Variants in CHD7 observed in about 807,000 individuals in gnomAD.
CHD7 encodes chromodomain helicase DNA binding protein 7.
CHD7 carries 24 observed loss-of-function variants against 307.3 expected under a neutral mutation model. That is an observed-to-expected ratio of 0.08 (90% CI 0.06 to 0.11). The LOEUF is 0.11. CHD7 is among the 10% of genes least tolerant of loss of function. The pLI is 1.00. For missense variants in CHD7, 3,106 were observed against 3,727.1 expected (o/e 0.83, Z 4.34); for synonymous variants, 1,363 against 1,349.9 (o/e 1.01, Z -0.21).
intron 4 of CHD7, among the ~76,000 whole-genome samples, chr8:60,799,159 A>AT (rs1364209168): frequency 3.3e-5 from 5 of 152,202 alleles, no homozygotes; most frequent in Admixed American, 3.3e-4. Context: ...GATACACAAC[A>AT]TTTTTTATTT....
At chr8:60,815,497 A>C (rs1276877523) in intron 7 of CHD7, among the ~76,000 whole-genome samples, 1 of 152,188 alleles carries the variant, frequency 6.6e-6, no homozygotes, top group Non-Finnish European at 1.5e-5. Flanking sequence ...TGAAGAACTA[A>C]GCAAAAGAAT....
rs587783453 is a variant in CHD7 at position 60,854,430 on chromosome 8, T to G, written c.6843T>G (p.Asp2281Glu). 1 of 1,613,844 alleles carries G rather than the reference T, an allele frequency of 6.2e-7. No individual in the cohort carries two copies. Among genetic ancestry groups the G allele is most frequent in the African/African-American group, 1.3e-5 (1 of 75,050 alleles). Residue 2281 changes from aspartate to glutamate, a missense_variant, in exon 32 of 38, where the codon GAT becomes GAG. This residue lies in a region of CHD7 where 1,030 missense variants were observed against 1,165.4 expected (regional missense o/e 0.88). Transcript: ENST00000423902. ...ESNASMSTAR[D>E]ETRDGFYMED... ...ATGCTTCCATGAGCACTGCTAGAGATGAAACCCGAGATGGATTCTACATGG... is the reference window on the plus strand; with the variant it reads ...ATGCTTCCATGAGCACTGCTAGAGAGGAAACCCGAGATGGATTCTACATGG...
intron 1 of CHD7, among the ~76,000 whole-genome samples, chr8:60,687,941 C>T (rs962825704): frequency 5.3e-5 from 8 of 152,174 alleles, no homozygotes; most frequent in African/African-American, 1.2e-4. Context: ...GCATTGTTGC[C>T]GTCTTAATAG....
intron 1 of CHD7, among the ~76,000 whole-genome samples, chr8:60,717,432 A>G (rs747947322): frequency 9.9e-5 from 15 of 152,202 alleles, no homozygotes; most frequent in Non-Finnish European, 2.1e-4. Flanking sequence ...TCTAGAGAGA[A>G]AGTAACTGTG....
chr8:60,727,715 T>G (rs1437790034), intron 1 of CHD7, among the ~76,000 whole-genome samples: 1 of 152,208 alleles, frequency 6.6e-6, no homozygotes, highest in Non-Finnish European at 1.5e-5. Flanking sequence ...CAACTTTGTC[T>G]TCCTTCTGTT....
intron 6 of CHD7, among the ~76,000 whole-genome samples, chr8:60,804,427 A>G (rs1812448591): frequency 6.6e-6 from 1 of 152,098 alleles, no homozygotes; most frequent in Non-Finnish European, 1.5e-5. Flanking sequence ...TCTTTAAGTT[A>G]ACTACAGGAC....
chr8:60,711,397 T>C (rs1807274843), intron 1 of CHD7, among the ~76,000 whole-genome samples: 1 of 152,182 alleles, frequency 6.6e-6, no homozygotes, highest in Non-Finnish European at 1.5e-5. Context: ...CTTGGCGGCC[T>C]ACTGACTTAT....
chr8:60,756,188 A>G (rs570337146), intron 2 of CHD7, among the ~76,000 whole-genome samples: 1 of 152,386 alleles, frequency 6.6e-6, no homozygotes, highest in South Asian at 2.1e-4. Flanking sequence ...TTAAAAATAG[A>G]AAGGAGAGTT....
Position 60,797,727 on chromosome 8 carries a change from T to A in CHD7, c.2238+2600T>A, listed in dbSNP as rs532984665. ...ATATCAAATGAAATACAACATGTTA[T>A]GCTAAATTTTGCAATATTAAAATTG... On this transcript the variant is annotated intron_variant, in intron 4 of 37. Transcript: ENST00000423902. Among the ~76,000 whole-genome samples, 11 of 152,372 alleles carry A rather than the reference T, an allele frequency of 7.2e-5. 1 individual carries two copies. In the South Asian group the frequency reaches 2.3e-3, roughly 32 times the overall value.
At chr8:60,686,514 T>C (rs1805899835) in intron 1 of CHD7, among the ~76,000 whole-genome samples, 1 of 152,152 alleles carries the variant, frequency 6.6e-6, no homozygotes, top group African/African-American at 2.4e-5. Context: ...GAGGGGATGC[T>C]TCTTTGGGGC....
intron 2 of CHD7, among the ~76,000 whole-genome samples, chr8:60,761,372 T>G (rs1162773649): frequency 6.7e-6 from 1 of 149,436 alleles, no homozygotes; most frequent in Non-Finnish European, 1.5e-5. Context: ...GGGATAGCAC[T>G]GGGAGATATA....
At chr8:60,857,074 A>G (rs1805751804) in intron 34 of CHD7, among the ~76,000 whole-genome samples, 186 bp downstream of exon 34, 2 of 152,376 alleles carry the variant, frequency 1.3e-5, no homozygotes, top group South Asian at 4.1e-4. Context: ...CTTGGCCTGA[A>G]CGAAGTGTAG....
intron 2 of CHD7, among the ~76,000 whole-genome samples, chr8:60,773,031 A>G (rs2150649811): frequency 6.6e-6 from 1 of 152,330 alleles, no homozygotes; most frequent in Middle Eastern, 3.4e-3. Flanking sequence ...CCATTCAGTC[A>G]TTTATAAAGC....
At position 60,856,487 on chromosome 8, in the gene CHD7, A is replaced by G. The variant is rs1383364362; in HGVS notation, c.7207A>G (p.Arg2403Gly). 1 of 1,613,642 alleles carries G rather than the reference A, an allele frequency of 6.2e-7. No individual in the cohort carries two copies. Among genetic ancestry groups the G allele is most frequent in the South Asian group, 1.1e-5 (1 of 91,052 alleles). The change falls in exon 34 of 38, where the codon AGG becomes GGG. Residue 2403 changes from arginine to glycine, a missense_variant. Transcript: ENST00000423902. ...NLSVPRQRRR[R>G]RRKIEIEAER... ...CTCTGTCCCTCGCCAGCGGAGGAGG[A>G]GGAGGAGAAAAATCGAAATTGAGGC...
chr8:60,829,856 AAG>A (rs1244103917), intron 14 of CHD7, among the ~76,000 whole-genome samples: 1 of 152,196 alleles, frequency 6.6e-6, no homozygotes, highest in Non-Finnish European at 1.5e-5. Flanking sequence ...ATCAATAGAA[AAG>A]AGAACCAGGG....
At chr8:60,864,199 A>G (rs1290457363) in intron 37 of CHD7, 1 of 148,844 alleles carries the variant, frequency 6.7e-6, no homozygotes, top group Non-Finnish European at 1.5e-5. Flanking sequence ...GCAGCCTCAA[A>G]CTCCTGGGCT....
chr8:60,698,020 A>T (rs893464353), intron 1 of CHD7, among the ~76,000 whole-genome samples: 1 of 152,246 alleles, frequency 6.6e-6, no homozygotes, highest in African/African-American at 2.4e-5. Context: ...ACCATAAAAC[A>T]GTGTCACCAA....
At chr8:60,745,177 C>T (rs990171003) in intron 2 of CHD7, among the ~76,000 whole-genome samples, 1 of 152,080 alleles carries the variant, frequency 6.6e-6, no homozygotes, top group African/African-American at 2.4e-5. Context: ...ATGAATGTGA[C>T]TTAGTTTTTA....
rs1484383263 is a variant in CHD7, at chr8:60,808,067, C to A, written c.2443-150C>A. The stretch of plus-strand genomic sequence containing the variant: ...GTGGCAGTCTTCGTGGCCCTGGCCA[C>A]CTCCCAGCACACGGTGTGCTCATCT... On this transcript the variant is annotated intron_variant, in intron 6 of 37. Transcript: ENST00000423902. 6.4e-6 allele frequency: 4 copies of A among 622,894 alleles called. No homozygotes were observed. The Admixed American group carries it at 1.2e-4, about 19-fold the overall frequency. The allele number at this position is 622,894 out of a possible 1,614,324, so 38.6% of individuals were successfully genotyped here. A position where few individuals can be genotyped will look rare whatever the true frequency, so the allele number is the denominator to read the frequency against.
Sources: allele counts gnomAD v4.1 joint callset (sites outside exome capture counted in the v4.1 genomes callset), GRCh38; gene constraint gnomAD v4.1.1; regional missense constraint gnomAD v4.1.1; transcripts MANE v1.5; gene names NCBI Gene and HGNC (gene_info 2026-07-23, HGNC 2026-07-21).